Variants in CSMD1 observed in about 807,000 individuals in gnomAD.
CSMD1 encodes CUB and sushi domain-containing protein 1.
Under a neutral mutation model 417.5 loss-of-function variants are expected in CSMD1, and 213 were observed. That is an observed-to-expected ratio of 0.51 (90% CI 0.46 to 0.57). CSMD1 has a LOEUF of 0.57. Among genes scored for constraint, CSMD1 ranks in the 20% least tolerant of loss-of-function variants. CSMD1 has a pLI of 0.00. For synonymous variants in CSMD1, 2,862 were observed against 1,736.8 expected (o/e 1.65, Z -16.11); for missense variants, 6,923 against 4,529.7 (o/e 1.53, Z -15.17).
intron 5 of CSMD1, among the ~76,000 whole-genome samples, chr8:3,930,133 C>T (rs1370685846): frequency 2.7e-5 from 4 of 150,128 alleles, no homozygotes; most frequent in African/African-American, 9.8e-5. Flanking sequence ...AAAAGCAGTA[C>T]CCTACCATTG....
chr8:3,471,785 C>A (rs1372533080), intron 11 of CSMD1, among the ~76,000 whole-genome samples: 2 of 151,624 alleles, frequency 1.3e-5, no homozygotes, highest in Admixed American at 1.3e-4. Context: ...TATCTTAAGT[C>A]AAATTCATGG....
At chr8:3,965,858 G>C (rs1364730304) in intron 5 of CSMD1, among the ~76,000 whole-genome samples, 1 of 152,084 alleles carries the variant, frequency 6.6e-6, no homozygotes, top group Admixed American at 6.6e-5. Context: ...ACCTCATACT[G>C]TGCCAGCCTT....
intron 12 of CSMD1, among the ~76,000 whole-genome samples, chr8:3,422,933 G>T (rs1469834905): frequency 1.3e-5 from 2 of 152,082 alleles, no homozygotes; most frequent in African/African-American, 2.4e-5. Context: ...AGGGCAAAAG[G>T]GGTAGATTCT....
intron 5 of CSMD1, among the ~76,000 whole-genome samples, chr8:3,962,518 C>T (rs564834092): frequency 2.0e-5 from 3 of 152,092 alleles, no homozygotes; most frequent in African/African-American, 4.8e-5. Context: ...CCTATATTAA[C>T]GTAATAGGCT....
At chr8:3,845,327 G>A (rs1160536057) in intron 5 of CSMD1, among the ~76,000 whole-genome samples, 2 of 152,132 alleles carry the variant, frequency 1.3e-5, no homozygotes, top group Admixed American at 6.6e-5. Flanking sequence ...ACACACTGAG[G>A]CTCTACGATA....
intron 1 of CSMD1, among the ~76,000 whole-genome samples, chr8:4,937,066 A>G (rs893111512): frequency 2.0e-5 from 3 of 152,168 alleles, no homozygotes; most frequent in African/African-American, 7.2e-5. Flanking sequence ...AAAAATAATT[A>G]GCCAGGCATT....
rs146785896 is a variant in CSMD1 at position 4,645,777 on chromosome 8, T to C, written c.86-8219A>G. Among the ~76,000 whole-genome samples the C allele has an allele frequency of 2.9e-3, 446 of 152,318 alleles. 3 individuals carry two copies. The highest frequency in any genetic ancestry group is 0.01 in the African/African-American group (427 of 41,586). The stretch of plus-strand genomic sequence containing the variant: ...GAAAGATGATGAGTGGGATTTGCCC[T>C]GTGCCTGCCTTTACCCTGTTGTCCT... On this transcript the variant is annotated intron_variant, in intron 1 of 69. Coordinates refer to ENST00000635120, the MANE Select transcript of CSMD1 (RefSeq NM_033225.6).
At chr8:4,421,267 G>C (rs1052490502) in intron 2 of CSMD1, among the ~76,000 whole-genome samples, 1 of 152,140 alleles carries the variant, frequency 6.6e-6, no homozygotes, top group African/African-American at 2.4e-5. Context: ...AAAAAACAGT[G>C]AGTTTAAATT....
intron 1 of CSMD1, among the ~76,000 whole-genome samples, chr8:4,993,641 G>C (rs896284698): frequency 1.3e-5 from 2 of 152,146 alleles, no homozygotes; most frequent in African/African-American, 4.8e-5. Context: ...GAATGTATCT[G>C]ACTTGGAAGC....
At chr8:3,585,742 TA>T (rs1800571440) in intron 9 of CSMD1, among the ~76,000 whole-genome samples, 1 of 152,166 alleles carries the variant, frequency 6.6e-6, no homozygotes, top group Admixed American at 6.5e-5. Flanking sequence ...AATTAATACC[TA>T]AAAAATTCAA....
chr8:3,314,632 A>G lies in CSMD1; in HGVS notation c.3632-6129T>C, dbSNP rs371543239. On this transcript the variant is annotated intron_variant, in intron 23 of 69. Coordinates refer to ENST00000635120, the MANE Select transcript of CSMD1 (RefSeq NM_033225.6). ...TTTTAAGTCAAAGCACAGCCAAAAT[A>G]CTACGAACAAAATGTTCTAATCAAA... Among the ~76,000 whole-genome samples, 10 of 152,358 alleles carry G rather than the reference A, an allele frequency of 6.6e-5. No homozygotes were observed. The Middle Eastern group carries it at 0.01, about 155-fold the overall frequency.
intron 2 of CSMD1, among the ~76,000 whole-genome samples, chr8:4,502,802 C>T (rs1398781998): frequency 3.3e-5 from 5 of 152,088 alleles, no homozygotes; most frequent in African/African-American, 9.7e-5. Context: ...GTTGGACTCA[C>T]CAGTAAATCC....
chr8:2,955,108 A>G (rs1282553313), intron 64 of CSMD1, among the ~76,000 whole-genome samples: 2 of 152,258 alleles, frequency 1.3e-5, no homozygotes, highest in African/African-American at 4.8e-5. Context: ...AATTTTAAAA[A>G]GCAGAATCAA....
At chr8:3,510,678 A>AAAAAAAATTCC (rs1563107608) in intron 10 of CSMD1, among the ~76,000 whole-genome samples, 1 of 151,380 alleles carries the variant, frequency 6.6e-6, no homozygotes, top group Non-Finnish European at 1.5e-5. Flanking sequence ...TAGAGGCAGG[A>AAAAAAAATTCC]TTACTTTTTA....
At chr8:4,131,694 C>A (rs910527017) in intron 3 of CSMD1, among the ~76,000 whole-genome samples, 1 of 142,080 alleles carries the variant, frequency 7.0e-6, no homozygotes, top group Non-Finnish European at 1.5e-5. Context: ...GCATCCCTTG[C>A]AAAAAATATA....
At chr8:4,906,099 T>C (rs548539980) in intron 1 of CSMD1, among the ~76,000 whole-genome samples, 1 of 152,244 alleles carries the variant, frequency 6.6e-6, no homozygotes, top group South Asian at 2.1e-4. Flanking sequence ...AATAATCAAA[T>C]TATCCTTGTA....
intron 3 of CSMD1, among the ~76,000 whole-genome samples, chr8:4,057,909 C>G (rs1379796659): frequency 2.0e-5 from 3 of 151,792 alleles, no homozygotes; most frequent in Non-Finnish European, 4.4e-5. Context: ...GTTTTGGTAC[C>G]AGTACCATGC....
chr8:3,179,154 C>G (rs556964077), intron 37 of CSMD1, among the ~76,000 whole-genome samples: 12 of 151,334 alleles, frequency 7.9e-5, no homozygotes, highest in African/African-American at 2.2e-4. Context: ...AACGTGTTAG[C>G]CAGGACTGTC....
intron 7 of CSMD1, among the ~76,000 whole-genome samples, chr8:3,673,449 G>A (rs1799191334): frequency 1.3e-5 from 2 of 152,150 alleles, no homozygotes; most frequent in Admixed American, 6.6e-5. Context: ...GTACAATGTG[G>A]CCCTGACTTA....
Sources: allele counts gnomAD v4.1 joint callset (sites outside exome capture counted in the v4.1 genomes callset), GRCh38; gene constraint gnomAD v4.1.1; transcripts MANE v1.5; gene names NCBI Gene and HGNC (gene_info 2026-07-23, HGNC 2026-07-21).